Variants in SCN4B observed in about 807,000 individuals in gnomAD.
SCN4B encodes the protein sodium channel regulatory subunit beta-4.
Under a neutral mutation model 19.6 loss-of-function variants are expected in SCN4B, and 20 were observed. The ratio of observed to expected loss-of-function variants is 1.02; its 90% CI spans 0.72 to 1.48. The LOEUF (loss-of-function observed/expected upper bound fraction) is 1.48, where lower values mean the gene tolerates loss of function less well. SCN4B is among the 40% of genes most tolerant of loss of function. The probability of loss-of-function intolerance (pLI) is 0.00; values close to 1 mark genes in which losing one functional copy is unlikely to be tolerated. For missense variants in SCN4B, 271 were observed against 287.5 expected, an observed-to-expected ratio of 0.94 and a Z score of 0.42; for synonymous variants, 127 against 122.8, an observed-to-expected ratio of 1.03 and a Z score of -0.22.
At position 118,145,141 on chromosome 11, in the gene SCN4B, C is replaced by T. The variant is rs1463236299; in HGVS notation, c.150G>A (p.Leu50=). The change falls in exon 2 of 5, where the codon CTG becomes CTA. Residue 50 remains leucine, a synonymous_variant. Transcript: ENST00000324727. ...DIYAVNGTEI[L]LPCTFSSCFG... ...AGCAGCTGGAGAAGGTGCAGGGCAG[C>T]AGGATCTCCGTGCCATTGACAGCGT... The T allele has an allele frequency of 4.3e-6, 7 of 1,614,178 alleles. No individual in the cohort carries two copies. The highest frequency in any genetic ancestry group is 5.9e-6 in the Non-Finnish European group (7 of 1,180,036).
In SCN4B at chr11:118,134,151, A is replaced by G. The variant is rs886047716; in HGVS notation, c.*2876T>C. 1 of 454,098 alleles carries G rather than the reference A, an allele frequency of 2.2e-6. No homozygotes were observed. The highest frequency in any genetic ancestry group is 4.4e-6 in the Non-Finnish European group (1 of 226,800). 28.1% of individuals were successfully genotyped at this position (454,098 alleles called of 1,614,324 possible). ...GCTGCTCTCCCCAGGCCTCTCTAACATCAGGGGTTTATTCGGGCTGCCTTC... is the reference window on the plus strand; with the variant it reads ...GCTGCTCTCCCCAGGCCTCTCTAACGTCAGGGGTTTATTCGGGCTGCCTTC... On this transcript the variant is annotated 3_prime_UTR_variant, in exon 5 of 5. Coordinates refer to ENST00000324727, the MANE Select transcript of SCN4B (RefSeq NM_174934.4).
intron 1 of SCN4B, among the ~76,000 whole-genome samples, chr11:118,147,454 T>A (rs2135507351): frequency 6.6e-6 from 1 of 152,306 alleles, no homozygotes; most frequent in African/African-American, 2.4e-5. Context: ...GTGAGTGGAA[T>A]AAGCAGCGTT....
intron 3 of SCN4B, among the ~76,000 whole-genome samples, chr11:118,142,218 C>T (rs1948108164): frequency 6.6e-6 from 1 of 152,230 alleles, no homozygotes; most frequent in South Asian, 2.1e-4. Context: ...TGGCTCCCAC[C>T]TCACTCACCC....
Position 118,134,165 on chromosome 11 carries a change from C to A in SCN4B, c.*2862G>T. 1 of 454,206 alleles carries A rather than the reference C, an allele frequency of 2.2e-6. No individual in the cohort carries two copies. The highest frequency in any genetic ancestry group is 4.4e-6 in the Non-Finnish European group (1 of 226,790). 28.1% of individuals were successfully genotyped at this position (454,206 alleles called of 1,614,324 possible). On this transcript the variant is annotated 3_prime_UTR_variant, in exon 5 of 5. Transcript: ENST00000324727. ...GCCTCTCTAACATCAGGGGTTTATT[C>A]GGGCTGCCTTCTGTTCAATTACGAC...
At chr11:118,141,687 C>G (rs1948101230) in intron 3 of SCN4B, 1 of 350,350 alleles carries the variant, frequency 2.9e-6, no homozygotes, top group African/African-American at 2.1e-5. Flanking sequence ...TTCATTGCCT[C>G]TTTCTAGACC....
At chr11:118,144,384 T>C (rs1018882101) in intron 2 of SCN4B, among the ~76,000 whole-genome samples, 10 of 152,188 alleles carry the variant, frequency 6.6e-5, no homozygotes, top group African/African-American at 2.4e-4. Context: ...CTCATCTCCC[T>C]CTGTCACCTC....
chr11:118,146,290 G>A (rs1490009061), intron 1 of SCN4B, among the ~76,000 whole-genome samples: 2 of 152,084 alleles, frequency 1.3e-5, no homozygotes, highest in African/African-American at 4.8e-5. Context: ...AAGGGGGCCT[G>A]GTTCCCCGCC....
intron 4 of SCN4B, 115 bp downstream of exon 4, chr11:118,141,092 G>C: frequency 1.7e-6 from 2 of 1,191,414 alleles, no homozygotes; most frequent in Non-Finnish European, 2.5e-6. Flanking sequence ...ACAGAGAGCG[G>C]TAGGAATGGG....
intron 1 of SCN4B, among the ~76,000 whole-genome samples, chr11:118,150,802 C>T (rs1400657776): frequency 6.6e-6 from 1 of 152,202 alleles, no homozygotes; most frequent in African/African-American, 2.4e-5. Flanking sequence ...ATGTCCCAAG[C>T]TCAGACCAAT....
intron 4 of SCN4B, among the ~76,000 whole-genome samples, chr11:118,138,494 G>GTC (rs1948053395): frequency 2.0e-5 from 3 of 151,940 alleles, no homozygotes; most frequent in South Asian, 2.1e-4. Context: ...CTCTCTCTCT[G>GTC]TCTCTCTCTC....
Position 118,141,251 on chromosome 11 carries a change from G to C in SCN4B, c.549C>G (p.Ile183Met). ...VIGLLILILL[I>M]KKLIIFILKK... is the part of the protein sequence containing the mutation. Reference sequence around the variant, plus strand: ...TCAGGATGAAGATGATGAGTTTCTTGATCAGCAGGATGAGGATGAGGAGCC... The same window carrying C: ...TCAGGATGAAGATGATGAGTTTCTTCATCAGCAGGATGAGGATGAGGAGCC... Residue 183 changes from isoleucine (I) to methionine (M), a missense_variant, in exon 4 of 5, where the codon ATC becomes ATG. Physicochemically the swap from Ile to Met is conservative, Grantham distance 10. Coordinates refer to ENST00000324727, the MANE Select transcript of SCN4B (RefSeq NM_174934.4). 15 of 1,612,928 alleles carry C rather than the reference G, an allele frequency of 9.3e-6. No homozygotes were observed. The highest frequency in any genetic ancestry group is 1.3e-5 in the Non-Finnish European group (15 of 1,179,986).
intron 1 of SCN4B, among the ~76,000 whole-genome samples, chr11:118,150,653 C>T (rs1219624276): frequency 6.6e-6 from 1 of 152,226 alleles, no homozygotes; most frequent in African/African-American, 2.4e-5. Context: ...TGGACCATGA[C>T]TTCCTCATCC....
Position 118,133,830 on chromosome 11 carries a change from G to A in SCN4B, c.*3197C>T. The stretch of plus-strand genomic sequence containing the variant: ...TGAAGTCATGGAGTGACGGAATGCA[G>A]GAGCACGGCTGGTCTTCTCTGCCTT... On this transcript the variant is annotated 3_prime_UTR_variant, in exon 5 of 5. Coordinates refer to ENST00000324727, the MANE Select transcript of SCN4B (RefSeq NM_174934.4). The A allele has an allele frequency of 4.4e-6, 2 of 454,500 alleles. No homozygotes were observed. The highest frequency in any genetic ancestry group is 8.8e-6 in the Non-Finnish European group (2 of 226,786). The allele number at this position is 454,500 out of a possible 1,614,324, so 28.2% of individuals were successfully genotyped here. A position where few individuals can be genotyped will look rare whatever the true frequency, so the allele number is the denominator to read the frequency against.
chr11:118,142,896 AC>A (rs749501493), intron 3 of SCN4B: 7 of 152,192 alleles, frequency 4.6e-5, no homozygotes, highest in Non-Finnish European at 8.8e-5. Context: ...CCATAGGCAG[AC>A]CTATGACTCC....
In SCN4B at chr11:118,148,219, G is replaced by A. The variant is rs999581271; in HGVS notation, c.62-2990C>T. 5.9e-5 allele frequency among the ~76,000 whole-genome samples: 9 copies of A among 152,348 alleles called. No individual in the cohort carries two copies. The highest frequency in any genetic ancestry group is 1.3e-4 in the Admixed American group (2 of 15,310). Reference sequence around the variant, plus strand: ...CCTGCCCGAGTGAAAGCATCAGAGAGGGTGGGCAAGCCTGGCTTCTTCAGT... The same window carrying A: ...CCTGCCCGAGTGAAAGCATCAGAGAAGGTGGGCAAGCCTGGCTTCTTCAGT... On this transcript the variant is annotated intron_variant, in intron 1 of 4. Coordinates refer to ENST00000324727, the MANE Select transcript of SCN4B (RefSeq NM_174934.4). The surrounding 1 kb of genome is among the most constrained non-coding windows in gnomAD (Gnocchi z 4.0).
Position 118,135,501 on chromosome 11 carries a change from T to A in SCN4B, c.*1526A>T, listed in dbSNP as rs1200813533. ...TGGGCAGAGAGGCTTGTTACCACTT[T>A]TCCCTGCCATCCCTGGCCTCACCAA... On this transcript the variant is annotated 3_prime_UTR_variant, in exon 5 of 5. Coordinates refer to ENST00000324727, the MANE Select transcript of SCN4B (RefSeq NM_174934.4). The A allele has an allele frequency of 2.2e-6, 1 of 453,926 alleles. No individual in the cohort carries two copies. Among genetic ancestry groups the A allele is most frequent in the East Asian group, 6.9e-5 (1 of 14,406 alleles). The allele number at this position is 453,926 out of a possible 1,614,324, so 28.1% of individuals were successfully genotyped here. A position where few individuals can be genotyped will look rare whatever the true frequency, so the allele number is the denominator to read the frequency against.
intron 4 of SCN4B, among the ~76,000 whole-genome samples, chr11:118,138,577 C>T (rs546466996): frequency 2.0e-5 from 3 of 152,250 alleles, no homozygotes; most frequent in African/African-American, 7.2e-5. Context: ...CTGTATTCCA[C>T]GCAGTCCATA....
chr11:118,135,928 C>T lies in SCN4B; in HGVS notation c.*1099G>A. ...GCTGAGCAGGAAGCAGCTGGGAAACCCAAGGACCCCCTCATCCAAAGGAAG... is the reference window on the plus strand; with the variant it reads ...GCTGAGCAGGAAGCAGCTGGGAAACTCAAGGACCCCCTCATCCAAAGGAAG... On this transcript the variant is annotated 3_prime_UTR_variant, in exon 5 of 5. Transcript: ENST00000324727. 2.2e-6 allele frequency: 1 copy of T among 454,328 alleles called. No individual in the cohort carries two copies. The highest frequency in any genetic ancestry group is 4.4e-6 in the Non-Finnish European group (1 of 226,720). 28.1% of individuals were successfully genotyped at this position (454,328 alleles called of 1,614,324 possible). A position where few individuals can be genotyped will look rare whatever the true frequency, so the allele number is the denominator to read the frequency against.
chr11:118,145,288 G>A (rs764182971), intron 1 of SCN4B, 59 bp from the exon 2 acceptor site: 7 of 1,609,982 alleles, frequency 4.3e-6, no homozygotes, highest in African/African-American at 4.0e-5. Flanking sequence ...CTCTGGAAGG[G>A]GATGCTTAGG....
Sources: gnomAD v4.1 joint callset for allele counts (sites outside exome capture counted in the v4.1 genomes callset) on GRCh38, gnomAD v4.1.1 for gene constraint, Gnocchi (gnomAD v3.1) non-coding constraint, MANE v1.5 for transcripts, NCBI Gene and HGNC (gene_info 2026-07-23, HGNC 2026-07-21) for gene names.